Variants in AFG2A observed in about 807,000 individuals in gnomAD.
AFG2A encodes the protein AAA ATPase AFG2A.
chr4:123,275,606 A>G, the AFG2A span, among the ~76,000 whole-genome samples: 1 of 151,978 alleles, frequency 6.6e-6, no homozygotes, highest in Non-Finnish European at 1.5e-5. Context: ...GGTAATAATC[A>G]CGGTATCTGA....
the AFG2A span, among the ~76,000 whole-genome samples, chr4:122,946,672 A>G: frequency 1.3e-5 from 2 of 152,066 alleles, no homozygotes; most frequent in East Asian, 1.9e-4. Flanking sequence ...AAAAATACCT[A>G]TATATTCAAA....
At chr4:122,947,206 A>G in the AFG2A span, 1 of 1,498,492 alleles carries the variant, frequency 6.7e-7, no homozygotes, top group Non-Finnish European at 8.9e-7. Flanking sequence ...TCAGAAAAAT[A>G]AATTTATTTT....
the AFG2A span, among the ~76,000 whole-genome samples, chr4:122,943,765 A>G: frequency 4.0e-4 from 61 of 152,276 alleles, no homozygotes; most frequent in Middle Eastern, 0.01. Context: ...ATTTTGCAGC[A>G]GCTGGTACCG....
At chr4:122,980,255 CCTTAA>C in the AFG2A span, among the ~76,000 whole-genome samples, 1 of 152,140 alleles carries the variant, frequency 6.6e-6, no homozygotes, top group African/African-American at 2.4e-5. Flanking sequence ...TTTCTGTGTA[CCTTAA>C]CTTATTTCAG....
the AFG2A span, among the ~76,000 whole-genome samples, chr4:123,039,066 C>G: frequency 1.3e-5 from 2 of 151,960 alleles, no homozygotes; most frequent in East Asian, 3.9e-4. Context: ...ATGAAATGAC[C>G]ATAATCTTGT....
At chr4:123,200,032 C>T in the AFG2A span, among the ~76,000 whole-genome samples, 3 of 152,168 alleles carry the variant, frequency 2.0e-5, no homozygotes, top group Non-Finnish European at 4.4e-5. Context: ...CTTTGCAGAA[C>T]GTAGAACTAC....
At chr4:123,079,745 C>CTTTTTTTTTTT in the AFG2A span, among the ~76,000 whole-genome samples, 4 of 72,660 alleles carry the variant, frequency 5.5e-5, no homozygotes, top group Non-Finnish European at 7.1e-5. Context: ...TCTTTTCCTT[C>CTTTTTTTTTTT]TTTTTTTTTT....
the AFG2A span, among the ~76,000 whole-genome samples, chr4:123,167,506 C>G: frequency 6.6e-6 from 1 of 152,030 alleles, no homozygotes; most frequent in Non-Finnish European, 1.5e-5. Context: ...CGCCACCATG[C>G]CCAGCTAATT....
the AFG2A span, chr4:123,028,328 G>T: frequency 6.2e-7 from 1 of 1,614,046 alleles, no homozygotes; most frequent in Non-Finnish European, 8.5e-7. Context: ...GGGCCACCTG[G>T]GTGCTCTAAA....
chr4:123,083,134 C>A, the AFG2A span, among the ~76,000 whole-genome samples: 1 of 152,052 alleles, frequency 6.6e-6, no homozygotes, highest in African/African-American at 2.4e-5. Flanking sequence ...CTATCTGTAC[C>A]TTTTATTTCC....
At chr4:123,225,886 T>G in the AFG2A span, among the ~76,000 whole-genome samples, 1 of 152,226 alleles carries the variant, frequency 6.6e-6, no homozygotes, top group Non-Finnish European at 1.5e-5. Context: ...TTTTATTTCA[T>G]TGAGCAGTGG....
the AFG2A span, among the ~76,000 whole-genome samples, chr4:123,075,048 A>G: frequency 6.6e-6 from 1 of 152,022 alleles, no homozygotes; most frequent in Non-Finnish European, 1.5e-5. Context: ...GGTTCAAGCA[A>G]TTCTCCTGCC....
At chr4:123,134,328 A>C in the AFG2A span, among the ~76,000 whole-genome samples, 1 of 152,136 alleles carries the variant, frequency 6.6e-6, no homozygotes, top group African/African-American at 2.4e-5. Context: ...GTGGATATTC[A>C]GTTTGCTCGT....
chr4:123,156,593 GTT>G, the AFG2A span, among the ~76,000 whole-genome samples: 1 of 151,944 alleles, frequency 6.6e-6, no homozygotes, highest in African/African-American at 2.4e-5. Flanking sequence ...ACTTGGTCAT[GTT>G]TTTTATCACC....
At chr4:123,025,141 T>A in the AFG2A span, among the ~76,000 whole-genome samples, 1 of 152,216 alleles carries the variant, frequency 6.6e-6, no homozygotes. Flanking sequence ...CTAGAAGGAC[T>A]GTATGGTCTG....
chr4:123,228,209 G>T, the AFG2A span, among the ~76,000 whole-genome samples: 5 of 152,040 alleles, frequency 3.3e-5, no homozygotes, highest in African/African-American at 9.7e-5. Context: ...GGAGCATTTA[G>T]CCCATTTACA....
At chr4:123,007,206 G>A in the AFG2A span, among the ~76,000 whole-genome samples, 2 of 152,004 alleles carry the variant, frequency 1.3e-5, no homozygotes, top group African/African-American at 2.4e-5. Context: ...CTAAGGCAGT[G>A]TTTTGAATAG....
the AFG2A span, among the ~76,000 whole-genome samples, chr4:122,927,322 G>T: frequency 6.6e-6 from 1 of 151,940 alleles, no homozygotes; most frequent in East Asian, 1.9e-4. Flanking sequence ...TGAACTTAAA[G>T]CTCAGAGACT....
chr4:123,304,273 A>T, the AFG2A span, among the ~76,000 whole-genome samples: 3 of 151,998 alleles, frequency 2.0e-5, no homozygotes, highest in Non-Finnish European at 4.4e-5. Context: ...AGCACCTTTC[A>T]TCAGGTCTCA....
Sources: gnomAD v4.1 joint callset for allele counts (sites outside exome capture counted in the v4.1 genomes callset) on GRCh38, gnomAD v4.1.1 for gene constraint, MANE v1.5 for transcripts, NCBI Gene and HGNC (gene_info 2026-07-23, HGNC 2026-07-21) for gene names.